STX8: variants seen among roughly 807,000 people sequenced by gnomAD.
STX8 encodes syntaxin-8.
STX8 carries 23 observed loss-of-function variants against 37.5 expected under a neutral mutation model. That is an observed-to-expected ratio of 0.61 (90% CI 0.44 to 0.87). The LOEUF is 0.87. STX8 is among the 40% of genes least tolerant of loss of function. The pLI, the probability that STX8 is intolerant of heterozygous loss-of-function variation, is 0.00. For synonymous variants in STX8, 115 were observed against 99.1 expected, an observed-to-expected ratio of 1.16 and a Z score of -0.95; for missense variants, 313 against 284.7, an observed-to-expected ratio of 1.10 and a Z score of -0.71.
At chr17:9,261,428 T>C (rs540237885) in intron 7 of STX8, among the ~76,000 whole-genome samples, 2 of 152,284 alleles carry the variant, frequency 1.3e-5, no homozygotes, top group African/African-American at 2.4e-5. Context: ...CAAAGACGTA[T>C]ACCTGGCTCT....
At chr17:9,572,475 TC>T (rs1336647831) in intron 1 of STX8, among the ~76,000 whole-genome samples, 1 of 152,192 alleles carries the variant, frequency 6.6e-6, no homozygotes, top group African/African-American at 2.4e-5. Context: ...AGTGGCGCAA[TC>T]TCGGCTCACT....
At chr17:9,293,827 T>A (rs1313538485) in intron 7 of STX8, among the ~76,000 whole-genome samples, 1 of 151,864 alleles carries the variant, frequency 6.6e-6, no homozygotes, top group Non-Finnish European at 1.5e-5. Context: ...AGCGGCACGA[T>A]CTTGGCTCAC....
chr17:9,556,208 AT>A (rs1449133604), intron 3 of STX8, among the ~76,000 whole-genome samples: 1 of 152,076 alleles, frequency 6.6e-6, no homozygotes, highest in Non-Finnish European at 1.5e-5. Flanking sequence ...AACACTTTCC[AT>A]TTTTTTATCT....
At chr17:9,423,123 C>A (rs1206212010) in intron 6 of STX8, among the ~76,000 whole-genome samples, 1 of 152,174 alleles carries the variant, frequency 6.6e-6, no homozygotes, top group Non-Finnish European at 1.5e-5. Flanking sequence ...CTGGGTAACA[C>A]TTTCCCCAGA....
chr17:9,470,306 A>G (rs577460468), intron 6 of STX8, among the ~76,000 whole-genome samples: 12 of 152,346 alleles, frequency 7.9e-5, no homozygotes, highest in Admixed American at 7.8e-4. Context: ...ACTACTCAGC[A>G]GCTTCAGTCT....
At chr17:9,303,785 T>TAAACTCCAAATGGATCAA (rs1333821168) in intron 7 of STX8, among the ~76,000 whole-genome samples, 2 of 152,020 alleles carry the variant, frequency 1.3e-5, no homozygotes, top group East Asian at 3.8e-4. Context: ...CACACCAGGA[T>TAAACTCCAAATGGATCAA]AAACTCCAAA....
intron 6 of STX8, among the ~76,000 whole-genome samples, chr17:9,447,449 G>GTC (rs1904889781): frequency 6.6e-6 from 1 of 152,218 alleles, no homozygotes; most frequent in Non-Finnish European, 1.5e-5. Flanking sequence ...TTGAGACAGA[G>GTC]TCTTGCTCTG....
At chr17:9,403,616 G>A (rs546064901) in intron 6 of STX8, among the ~76,000 whole-genome samples, 9 of 152,036 alleles carry the variant, frequency 5.9e-5, no homozygotes, top group Non-Finnish European at 7.4e-5. Flanking sequence ...TTATGGTGCC[G>A]ACACCCAGCA....
Position 9,370,852 on chromosome 17 carries a change from A to ACG in STX8, c.643+7699_643+7700insCG, listed in dbSNP as rs1911380223. Among the ~76,000 whole-genome samples, 4 of 152,244 alleles carry ACG rather than the reference A, an allele frequency of 2.6e-5. No individual in the cohort carries two copies. The South Asian group carries it at 8.3e-4, about 32-fold the overall frequency. ...ACTTTTATGTAAATGTCCTTAATGG[A>ACG]AGTAACAGATCTGAAAATACATAGA... On this transcript the variant is annotated intron_variant, in intron 7 of 7. Transcript: ENST00000306357.
At chr17:9,527,833 C>G (rs1905641015) in intron 4 of STX8, among the ~76,000 whole-genome samples, 1 of 152,216 alleles carries the variant, frequency 6.6e-6, no homozygotes, top group Non-Finnish European at 1.5e-5. Flanking sequence ...CCTATTACAT[C>G]TTTAACACTC....
At chr17:9,559,760 A>ATTTATTT (rs1907144994) in intron 2 of STX8, among the ~76,000 whole-genome samples, 1 of 24,492 alleles carries the variant, frequency 4.1e-5, no homozygotes, top group East Asian at 2.7e-3. Context: ...ATATATATAT[A>ATTTATTT]TTTTTTTTTT....
chr17:9,467,634 T>C (rs906898117), intron 6 of STX8, among the ~76,000 whole-genome samples: 11 of 152,202 alleles, frequency 7.2e-5, no homozygotes, highest in Non-Finnish European at 1.3e-4. Flanking sequence ...GACCAAACCA[T>C]GGCTTCCATG....
rs1480056856 is a variant in STX8, at chr17:9,399,143, T to C, written c.542-20490A>G. Reference sequence around the variant, plus strand: ...AATGGAACAGGAAAGGGTGCAGCAATAGATTCAGGCATGTCGCCAACTGAT... The same window carrying C: ...AATGGAACAGGAAAGGGTGCAGCAACAGATTCAGGCATGTCGCCAACTGAT... On this transcript the variant is annotated intron_variant, in intron 6 of 7. Transcript: ENST00000306357. Among the ~76,000 whole-genome samples, 7 of 150,490 alleles carry C rather than the reference T, an allele frequency of 4.7e-5. No homozygotes were observed. In the Admixed American group the frequency reaches 4.7e-4, roughly 10 times the overall value.
At chr17:9,307,561 T>A (rs1188856999) in intron 7 of STX8, among the ~76,000 whole-genome samples, 1 of 152,186 alleles carries the variant, frequency 6.6e-6, no homozygotes, top group Non-Finnish European at 1.5e-5. Context: ...TCTGCTGTGA[T>A]CTCCTACTGA....
At chr17:9,405,810 A>C (rs1912781105) in intron 6 of STX8, among the ~76,000 whole-genome samples, 1 of 152,202 alleles carries the variant, frequency 6.6e-6, no homozygotes. Flanking sequence ...TTCACCTACT[A>C]TCTTGACATG....
chr17:9,575,738 G>A (rs928715557), intron 1 of STX8, 54 bp downstream of exon 1: 2 of 1,542,596 alleles, frequency 1.3e-6, no homozygotes, highest in Admixed American at 3.9e-5. Context: ...CTCTCCGGAA[G>A]CCCGGCCTCC....
chr17:9,556,527 C>T (rs1040502727), intron 3 of STX8, among the ~76,000 whole-genome samples: 26 of 151,704 alleles, frequency 1.7e-4, no homozygotes, highest in Non-Finnish European at 7.4e-5. Context: ...CTGCAACCTC[C>T]GCCTCCCAGG....
At chr17:9,574,332 G>A (rs1032909220) in intron 1 of STX8, among the ~76,000 whole-genome samples, 8 of 100,030 alleles carry the variant, frequency 8.0e-5, no homozygotes, top group African/African-American at 2.9e-4. Context: ...CAATGACATA[G>A]AGAAATGCTG....
intron 6 of STX8, among the ~76,000 whole-genome samples, chr17:9,384,680 G>C (rs1911928618): frequency 6.6e-6 from 1 of 151,912 alleles, no homozygotes; most frequent in Admixed American, 6.6e-5. Flanking sequence ...AAACAAGTTG[G>C]AGGTATTATG....
Sources: allele counts gnomAD v4.1 joint callset (sites outside exome capture counted in the v4.1 genomes callset), GRCh38; gene constraint gnomAD v4.1.1; transcripts MANE v1.5; gene names NCBI Gene and HGNC (gene_info 2026-07-23, HGNC 2026-07-21).